Variants in F5 observed in about 807,000 individuals in gnomAD.
The protein encoded by F5 is activated protein c cofactor.
In F5, 138 loss-of-function variants were observed where a neutral mutation model predicts 216.4. The observed-to-expected ratio is 0.64, with a 90% CI of 0.56 to 0.73. The LOEUF (loss-of-function observed/expected upper bound fraction) is 0.73, where lower values mean the gene tolerates loss of function less well. Ranked by LOEUF, F5 falls within the 30% of genes least tolerant of loss-of-function variation. F5 has a pLI of 0.00. For synonymous variants in F5, 916 were observed against 930.7 expected (o/e 0.98, Z 0.29); for missense variants, 2,403 against 2,674.0 (o/e 0.90, Z 2.24).
In F5 at chr1:169,541,710, T is replaced by C. The variant is rs1477296294; in HGVS notation, c.3380A>G (p.Tyr1127Cys). Residue 1127 changes from tyrosine to cysteine, a missense_variant, in exon 13 of 25, where the codon TAT becomes TGT. Physicochemically the swap from Tyr to Cys is radical, Grantham distance 194. Around this residue, in one of 4 missense-constraint regions of F5, gnomAD observed 1,425 missense variants for 1,554.8 expected, o/e 0.92. Coordinates refer to ENST00000367797, the MANE Select transcript of F5 (RefSeq NM_000130.5). ...LYQTVPPEEH[Y>C]QTFPIQDPDQ... ...AGGGTCTTGAATGGGGAATGTTTGA[T>C]AGTGTTCCTCTGGGGGCACTGTCTG... is the stretch of plus-strand genomic sequence containing the variant. The C allele has an allele frequency of 1.9e-6, 3 of 1,614,080 alleles. No individual in the cohort carries two copies. The highest frequency in any genetic ancestry group is 1.7e-6 in the Non-Finnish European group (2 of 1,179,980).
At chr1:169,523,393 A>G in intron 20 of F5, 41 bp from the exon 21 acceptor site, 2 of 1,610,568 alleles carry the variant, frequency 1.2e-6, no homozygotes, top group Non-Finnish European at 1.7e-6. Context: ...TGTCCTTGTC[A>G]ACAAGTCACA....
chr1:169,521,028 G>A (rs796608722), intron 21 of F5, among the ~76,000 whole-genome samples: 3 of 151,968 alleles, frequency 2.0e-5, no homozygotes, highest in African/African-American at 2.4e-5. Flanking sequence ...TGAAGAAGCC[G>A]GCAACCTGGA....
intron 6 of F5, among the ~76,000 whole-genome samples, chr1:169,556,432 A>AAAAAAAAAAAAAAC (rs1359003124): frequency 2.7e-5 from 4 of 148,818 alleles, no homozygotes; most frequent in Non-Finnish European, 5.9e-5. Context: ...AATTAAAAAA[A>AAAAAAAAAAAAAAC]AAAAAAAAAC....
chr1:169,528,649 A>G (rs1245706511), intron 16 of F5, among the ~76,000 whole-genome samples: 1 of 152,156 alleles, frequency 6.6e-6, no homozygotes, highest in Non-Finnish European at 1.5e-5. Flanking sequence ...TCCTCTGCCC[A>G]CTTCTCAGAT....
intron 14 of F5, among the ~76,000 whole-genome samples, chr1:169,532,214 A>G (rs1481944514): frequency 6.6e-6 from 1 of 152,222 alleles, no homozygotes; most frequent in Non-Finnish European, 1.5e-5. Flanking sequence ...AATAGGAGCC[A>G]TCTATGACAA....
chr1:169,551,231 T>G (rs1206118271), intron 8 of F5, among the ~76,000 whole-genome samples: 1 of 152,176 alleles, frequency 6.6e-6, no homozygotes, highest in Non-Finnish European at 1.5e-5. Context: ...GGTGGATCAC[T>G]TGAGCTCAGG....
chr1:169,515,613 T>G lies in F5; in HGVS notation c.6359A>C (p.Lys2120Thr). Residue 2120 changes from lysine to threonine, a missense_variant, in exon 24 of 25, where the codon AAG becomes ACG. This residue lies in a region of F5 where 659 missense variants were observed against 787.9 expected (regional missense o/e 0.84). Coordinates refer to ENST00000367797, the MANE Select transcript of F5 (RefSeq NM_000130.5). ...GAGTAGATCAATTTCTAGCCACTGC[T>G]TATTGTTGTTTGCCTATGAAAATGA... ...NAWQAKANNNKQWLEIDLLKI... is the reference protein window; with the variant it reads ...NAWQAKANNNTQWLEIDLLKI... The G allele has an allele frequency of 6.2e-7, 1 of 1,612,830 alleles. No homozygotes were observed. Among genetic ancestry groups the G allele is most frequent in the Non-Finnish European group, 8.5e-7 (1 of 1,179,514 alleles).
intron 14 of F5, among the ~76,000 whole-genome samples, chr1:169,533,382 C>A (rs1361809235): frequency 2.6e-5 from 4 of 152,116 alleles, no homozygotes; most frequent in Non-Finnish European, 5.9e-5. Context: ...TCCTCAAAAG[C>A]ATTTCAACAA....
intron 2 of F5, among the ~76,000 whole-genome samples, chr1:169,581,616 G>A (rs1437302075): frequency 6.6e-6 from 1 of 152,076 alleles, no homozygotes; most frequent in Non-Finnish European, 1.5e-5. Context: ...AAGACAGCAG[G>A]TCTTCATCTG....
At chr1:169,575,305 T>C (rs1412576977) in intron 2 of F5, among the ~76,000 whole-genome samples, 1 of 151,474 alleles carries the variant, frequency 6.6e-6, no homozygotes, top group Admixed American at 6.6e-5. Context: ...AGTGGGGAGG[T>C]GGAGCTTAGT....
chr1:169,548,741 C>T (rs906456305), intron 10 of F5, among the ~76,000 whole-genome samples: 38 of 151,844 alleles, frequency 2.5e-4, no homozygotes, highest in Admixed American at 6.6e-4. Context: ...TGGTGGCGGG[C>T]GCCTGTAATC....
chr1:169,555,148 C>A, intron 7 of F5, 34 bp downstream of exon 7: 2 of 1,613,458 alleles, frequency 1.2e-6, no homozygotes, highest in Non-Finnish European at 8.5e-7. Flanking sequence ...GTGTCTTGAA[C>A]CTTTGCCCAG....
At chr1:169,569,233 A>G (rs1239128557) in intron 3 of F5, among the ~76,000 whole-genome samples, 1 of 152,124 alleles carries the variant, frequency 6.6e-6, no homozygotes, top group Non-Finnish European at 1.5e-5. Context: ...GTTTTGGAAA[A>G]ATCTAGAAGA....
At position 169,546,574 on chromosome 1, in the gene F5, G is replaced by C; in HGVS notation, c.1630C>G (p.Gln544Glu). 1.9e-6 allele frequency: 3 copies of C among 1,614,110 alleles called. No homozygotes were observed. Among genetic ancestry groups the C allele is most frequent in the Non-Finnish European group, 2.5e-6 (3 of 1,179,976 alleles). The change falls in exon 11 of 25, where the codon CAG becomes GAG. Residue 544 changes from glutamine (Q) to glutamate (E), a missense_variant. Physicochemically the swap from Gln to Glu is conservative, Grantham distance 29. Coordinates refer to ENST00000367797, the MANE Select transcript of F5 (RefSeq NM_000130.5). ...RGIQRAADIE[Q>E]QAVFAVFDEN... ...TCAAACACAGCAAACACAGCCTGCTGTTCGATGTCTGCTGCCCTCTGGAGG... is the reference window on the plus strand; with the variant it reads ...TCAAACACAGCAAACACAGCCTGCTCTTCGATGTCTGCTGCCCTCTGGAGG...
intron 3 of F5, 132 bp downstream of exon 3, chr1:169,572,089 C>T: frequency 1.9e-6 from 2 of 1,034,872 alleles, no homozygotes; most frequent in Non-Finnish European, 2.8e-6. Context: ...ACAACAGCAA[C>T]AATTTTTATA....
intron 2 of F5, 111 bp from the exon 3 acceptor site, chr1:169,572,454 T>G: frequency 7.6e-7 from 1 of 1,323,396 alleles, no homozygotes; most frequent in Non-Finnish European, 1.1e-6. Context: ...CCATTCCTCC[T>G]GGTCCTGAGG....
chr1:169,586,429 T>A lies in F5; in HGVS notation c.-43A>T. The A allele has an allele frequency of 6.3e-7, 1 of 1,595,160 alleles. No individual in the cohort carries two copies. The highest frequency in any genetic ancestry group is 2.3e-5 in the East Asian group (1 of 44,178). On this transcript the variant is annotated 5_prime_UTR_variant, in exon 1 of 25. Transcript: ENST00000367797. The stretch of plus-strand genomic sequence containing the variant: ...CGCTGGCTGCCACCACCCCAGGACC[T>A]GGGCAGCGCTTGCCGAGCTGCTAAC...
At position 169,540,298 on chromosome 1, in the gene F5, G is replaced by T; in HGVS notation, c.4792C>A (p.Gln1598Lys). The T allele has an allele frequency of 1.2e-6, 2 of 1,613,730 alleles. No homozygotes were observed. ...AAAGGAGAAAACTGGCCAAACCTTTGTACAAATTCTGAATAATCCCAGGAT... is the reference window on the plus strand; with the variant it reads ...AAAGGAGAAAACTGGCCAAACCTTTTTACAAATTCTGAATAATCCCAGGAT... Reference protein sequence around the residue: ...EISWDYSEFVQRETDIEDSDD... With the variant: ...EISWDYSEFVKRETDIEDSDD... The change falls in exon 13 of 25, where the codon CAA (glutamine) becomes AAA (lysine). Residue 1598 changes from glutamine to lysine, a missense_variant. By Grantham distance (53) the Gln-to-Lys change is moderately conservative. Around this residue, in one of 4 missense-constraint regions of F5, gnomAD observed 659 missense variants for 787.9 expected, o/e 0.84. Transcript: ENST00000367797.
chr1:169,552,569 T>C lies in F5; in HGVS notation c.1284A>G (p.Arg428=). ...TTGTGTTACTTACTTTGAGTGTGTC[T>C]CTGACCTGGGCTCTGATAATAGGAC... ...ILGPIIRAQV[R]DTLKIVFKNM... The change falls in exon 8 of 25, where the codon AGA becomes AGG. Residue 428 remains arginine, a synonymous_variant. Coordinates refer to ENST00000367797, the MANE Select transcript of F5 (RefSeq NM_000130.5). The C allele has an allele frequency of 6.2e-7, 1 of 1,613,584 alleles. No homozygotes were observed. The highest frequency in any genetic ancestry group is 1.3e-5 in the African/African-American group (1 of 75,036).
Sources: allele counts gnomAD v4.1 joint callset (sites outside exome capture counted in the v4.1 genomes callset), GRCh38; gene constraint gnomAD v4.1.1; regional missense constraint gnomAD v4.1.1; transcripts MANE v1.5; gene names NCBI Gene and HGNC (gene_info 2026-07-23, HGNC 2026-07-21).